Variants in ABTB3 observed in about 807,000 individuals in gnomAD.
ABTB3 encodes the protein ankyrin repeat and BTB domain containing 3.
chr12:107,428,537 T>A, the ABTB3 span, among the ~76,000 whole-genome samples: 1 of 152,300 alleles, frequency 6.6e-6, no homozygotes, highest in Non-Finnish European at 1.5e-5. Context: ...GTGGGACAGT[T>A]CTGAGGGGTG....
At chr12:107,521,263 T>TTGTG in the ABTB3 span, among the ~76,000 whole-genome samples, 12,818 of 142,780 alleles carry the variant, frequency 0.09, 617 homozygotes, top group African/African-American at 0.14. Flanking sequence ...TTCATATAAG[T>TTGTG]TGTGTGTGTG....
chr12:107,336,097 A>C, the ABTB3 span, among the ~76,000 whole-genome samples: 1 of 152,198 alleles, frequency 6.6e-6, no homozygotes, highest in African/African-American at 2.4e-5. Context: ...GTGGGAGCAG[A>C]GGTAGAACTC....
the ABTB3 span, among the ~76,000 whole-genome samples, chr12:107,471,121 T>A: frequency 6.6e-6 from 1 of 152,246 alleles, no homozygotes; most frequent in Non-Finnish European, 1.5e-5. Context: ...CCGCATACAC[T>A]TTCAGAATAA....
the ABTB3 span, among the ~76,000 whole-genome samples, chr12:107,332,619 T>C: frequency 6.6e-6 from 1 of 152,170 alleles, no homozygotes; most frequent in Non-Finnish European, 1.5e-5. Flanking sequence ...GTGAGTAATG[T>C]CACCCCTGTC....
the ABTB3 span, among the ~76,000 whole-genome samples, chr12:107,527,564 G>A: frequency 8.6e-5 from 13 of 151,606 alleles, no homozygotes; most frequent in Admixed American, 3.3e-4. Context: ...GAGCCATGGC[G>A]CCTGGCCAAG....
chr12:107,621,307 A>G, the ABTB3 span, among the ~76,000 whole-genome samples: 4 of 152,184 alleles, frequency 2.6e-5, no homozygotes, highest in African/African-American at 9.7e-5. Flanking sequence ...AGCTTCGGTG[A>G]GTCCGTGAGG....
At chr12:107,645,954 A>G in the ABTB3 span, among the ~76,000 whole-genome samples, 1 of 152,228 alleles carries the variant, frequency 6.6e-6, no homozygotes, top group East Asian at 1.9e-4. Flanking sequence ...GAAATAGGCC[A>G]AGGAGGGCTG....
chr12:107,455,690 A>T, the ABTB3 span, among the ~76,000 whole-genome samples: 1 of 152,144 alleles, frequency 6.6e-6, no homozygotes, highest in Non-Finnish European at 1.5e-5. Context: ...GGGCTTTTGC[A>T]TGTATCTTCT....
At chr12:107,373,806 G>T in the ABTB3 span, among the ~76,000 whole-genome samples, 3 of 152,198 alleles carry the variant, frequency 2.0e-5, no homozygotes, top group African/African-American at 7.2e-5. Flanking sequence ...GGATGGCCCC[G>T]TAACTCAGCA....
chr12:107,448,627 T>C, the ABTB3 span, among the ~76,000 whole-genome samples: 64 of 148,520 alleles, frequency 4.3e-4, no homozygotes, highest in African/African-American at 1.6e-3. Context: ...TGTATGTTCT[T>C]TCTTTCTTTC....
the ABTB3 span, chr12:107,319,231 C>G: frequency 3.8e-6 from 6 of 1,571,634 alleles, no homozygotes; most frequent in Non-Finnish European, 5.2e-6. Context: ...TAGACGAGGT[C>G]CCCTGGACTC....
At chr12:107,487,156 A>G in the ABTB3 span, among the ~76,000 whole-genome samples, 2 of 152,174 alleles carry the variant, frequency 1.3e-5, no homozygotes, top group East Asian at 3.8e-4. Context: ...AGAGATGCTC[A>G]GACACACAGA....
chr12:107,637,261 G>T, the ABTB3 span, among the ~76,000 whole-genome samples: 2,479 of 152,144 alleles, frequency 0.016, 35 homozygotes, highest in Non-Finnish European at 0.021. Context: ...ACGCAATGGC[G>T]CATGCCTATA....
At chr12:107,657,358 T>C in the ABTB3 span, 2 of 692,702 alleles carry the variant, frequency 2.9e-6, no homozygotes, top group South Asian at 1.8e-5. Context: ...AGCCGCAAAG[T>C]CATACCCCAT....
At chr12:107,524,349 C>G in the ABTB3 span, among the ~76,000 whole-genome samples, 1 of 152,154 alleles carries the variant, frequency 6.6e-6, no homozygotes, top group Admixed American at 6.5e-5. Context: ...TGAATCAATA[C>G]AGCCTTGCTC....
At chr12:107,319,369 A>G in the ABTB3 span, 2 of 1,573,110 alleles carry the variant, frequency 1.3e-6, no homozygotes, top group East Asian at 4.7e-5. Context: ...TGGTGCGCAT[A>G]GCCAAAGAGG....
the ABTB3 span, among the ~76,000 whole-genome samples, chr12:107,639,441 C>A: frequency 1.2e-3 from 179 of 152,192 alleles, no homozygotes; most frequent in African/African-American, 3.3e-3. Context: ...GGCAGAGAGA[C>A]CAACAGAGGC....
the ABTB3 span, among the ~76,000 whole-genome samples, chr12:107,647,944 G>C: frequency 1.3e-5 from 2 of 152,130 alleles, no homozygotes; most frequent in African/African-American, 4.8e-5. Flanking sequence ...CAGACTGAAG[G>C]GACTGAAGGG....
chr12:107,320,616 C>CGGCCTA, the ABTB3 span: 1 of 455,996 alleles, frequency 2.2e-6, no homozygotes, highest in Non-Finnish European at 4.4e-6. Flanking sequence ...AAAGCTTGCA[C>CGGCCTA]GGCCTAGACA....
Sources: allele counts gnomAD v4.1 joint callset (sites outside exome capture counted in the v4.1 genomes callset), GRCh38; gene constraint gnomAD v4.1.1; transcripts MANE v1.5; gene names NCBI Gene and HGNC (gene_info 2026-07-23, HGNC 2026-07-21).